The following RALGAPA2 variants were observed in gnomAD, a reference collection of about 807,000 sequenced individuals.
RALGAPA2 encodes Ral GTPase activating protein catalytic subunit alpha 2.
Under a neutral mutation model 230.4 loss-of-function variants are expected in RALGAPA2, and 139 were observed. The ratio of observed to expected loss-of-function variants is 0.60; its 90% CI spans 0.53 to 0.69. The LOEUF is 0.69. Ranked by LOEUF, RALGAPA2 falls within the 30% of genes least tolerant of loss-of-function variation. The pLI is 0.00. For missense variants in RALGAPA2, 2,163 were observed against 2,276.0 expected, an observed-to-expected ratio of 0.95 and a Z score of 1.01; for synonymous variants, 847 against 837.8, an observed-to-expected ratio of 1.01 and a Z score of -0.19.
At chr20:20,515,011 A>G (rs767739410) in intron 31 of RALGAPA2, among the ~76,000 whole-genome samples, 1 of 152,146 alleles carries the variant, frequency 6.6e-6, no homozygotes, top group Non-Finnish European at 1.5e-5. Context: ...CTTGTGCCCA[A>G]CACCAGGGGA....
Position 20,418,165 on chromosome 20 carries a change from C to T in RALGAPA2, c.5496-6017G>A, listed in dbSNP as rs76984071. ...GGTAGGTGCCAGAATATAAGAAGAA[C>T]GCCGAGCAAATCCATAAGAGAAAGT... On this transcript the variant is annotated intron_variant, in intron 37 of 39. Coordinates refer to ENST00000202677, the MANE Select transcript of RALGAPA2 (RefSeq NM_020343.4). Among the ~76,000 whole-genome samples the T allele has an allele frequency of 3.1e-3, 471 of 152,246 alleles. 2 individuals are homozygous for T. The highest frequency in any genetic ancestry group is 0.011 in the African/African-American group (450 of 41,546).
chr20:20,489,361 A>G (rs2061992227), intron 36 of RALGAPA2, among the ~76,000 whole-genome samples: 2 of 152,356 alleles, frequency 1.3e-5, no homozygotes, highest in East Asian at 1.9e-4. Flanking sequence ...CTCATAGTCT[A>G]AGATCATTCG....
chr20:20,511,349 A>T (rs992716773), intron 32 of RALGAPA2, 24 bp from the exon 33 acceptor site: 11 of 1,536,718 alleles, frequency 7.2e-6, no homozygotes, highest in Non-Finnish European at 7.9e-6. Context: ...AGGATGGAAG[A>T]AAAACCATGT....
At position 20,437,988 on chromosome 20, in the gene RALGAPA2, T is replaced by G. The variant is rs760434322; in HGVS notation, c.5496-25840A>C. On this transcript the variant is annotated intron_variant, in intron 37 of 39. Transcript: ENST00000202677. The surrounding 1 kb of genome is among the most constrained non-coding windows in gnomAD (Gnocchi z 4.1). ...ATCCTGACTCCGTGGTTCTTATGAA[T>G]CCCGCAAAGAGTGGTTCTTAATATG... 6.6e-6 allele frequency among the ~76,000 whole-genome samples: 1 copy of G among 151,882 alleles called. No homozygotes were observed. The highest frequency in any genetic ancestry group is 1.5e-5 in the Non-Finnish European group (1 of 68,024).
chr20:20,464,817 C>T (rs2061378689), intron 37 of RALGAPA2, among the ~76,000 whole-genome samples: 1 of 151,944 alleles, frequency 6.6e-6, no homozygotes, highest in Non-Finnish European at 1.5e-5. Context: ...AAGAAAAAAA[C>T]ACAAAAACCA....
chr20:20,583,125 G>T lies in RALGAPA2; in HGVS notation c.2632C>A (p.Pro878Thr). ...TCEEDPELNT[P>T]TDVVADADAR... Reference sequence around the variant, plus strand: ...TCAGCATCAGCCACAACATCTGTGGGAGTATTCAGTTCTGGGTCTTCCTCA... The same window carrying T: ...TCAGCATCAGCCACAACATCTGTGGTAGTATTCAGTTCTGGGTCTTCCTCA... Residue 878 changes from proline (P) to threonine (T), a missense_variant, in exon 20 of 40, where the codon CCC (proline) becomes ACC (threonine). Physicochemically the swap from Pro to Thr is conservative, Grantham distance 38. Transcript: ENST00000202677. 1.2e-6 allele frequency: 2 copies of T among 1,613,702 alleles called. No individual in the cohort carries two copies. The highest frequency in any genetic ancestry group is 1.7e-6 in the Non-Finnish European group (2 of 1,179,736).
chr20:20,700,735 T>A (rs943242248), intron 1 of RALGAPA2, among the ~76,000 whole-genome samples: 1 of 152,236 alleles, frequency 6.6e-6, no homozygotes, highest in Non-Finnish European at 1.5e-5. Flanking sequence ...TCCTTTCTTA[T>A]ATCTATTCCC....
intron 36 of RALGAPA2, among the ~76,000 whole-genome samples, chr20:20,478,544 G>A (rs971327954): frequency 2.0e-5 from 3 of 151,526 alleles, no homozygotes; most frequent in Non-Finnish European, 4.4e-5. Context: ...GATGCAGCTG[G>A]AGGCCATTAT....
intron 31 of RALGAPA2, among the ~76,000 whole-genome samples, chr20:20,519,532 A>AC (rs1302803256): frequency 2.0e-5 from 3 of 152,210 alleles, no homozygotes; most frequent in Non-Finnish European, 4.4e-5. Context: ...GGCTGGACCC[A>AC]CCACTCTGGT....
chr20:20,481,873 C>A (rs1403869236), intron 36 of RALGAPA2, among the ~76,000 whole-genome samples: 1 of 152,118 alleles, frequency 6.6e-6, no homozygotes, highest in Non-Finnish European at 1.5e-5. Flanking sequence ...GTGGGCCTCA[C>A]AGAGTGACTA....
At position 20,512,787 on chromosome 20, in the gene RALGAPA2, C is replaced by T. The variant is rs2062751676; in HGVS notation, c.4582G>A (p.Gly1528Ser). The T allele has an allele frequency of 1.2e-6, 2 of 1,613,610 alleles. No individual in the cohort carries two copies. The highest frequency in any genetic ancestry group is 3.3e-5 in the Admixed American group (2 of 59,990). Reference sequence around the variant, plus strand: ...AAAAGGCATTCAGGACTTGTATGGCCAATGTTTTCAAGTAATTTGTCAAGA... The same window carrying T: ...AAAAGGCATTCAGGACTTGTATGGCTAATGTTTTCAAGTAATTTGTCAAGA... ...DVLDKLLENI[G>S]HTSPECLLPS... Residue 1528 changes from glycine (G) to serine (S), a missense_variant, in exon 32 of 40, where the codon GGC becomes AGC. Transcript: ENST00000202677.
At chr20:20,590,830 T>C (rs2065267111) in intron 17 of RALGAPA2, among the ~76,000 whole-genome samples, 1 of 152,156 alleles carries the variant, frequency 6.6e-6, no homozygotes, top group Non-Finnish European at 1.5e-5. Context: ...CCTGCCTCCC[T>C]GCCTTCCATA....
At chr20:20,514,996 T>A (rs2098160494) in intron 31 of RALGAPA2, among the ~76,000 whole-genome samples, 1 of 152,212 alleles carries the variant, frequency 6.6e-6, no homozygotes, top group Admixed American at 6.5e-5. Context: ...CCCTCAGCAC[T>A]GCTACTTGTG....
chr20:20,447,946 T>C (rs952458815), intron 37 of RALGAPA2, among the ~76,000 whole-genome samples: 2 of 152,192 alleles, frequency 1.3e-5, no homozygotes, highest in African/African-American at 2.4e-5. Context: ...CATTCTGCCT[T>C]CCTTGTGCTC....
intron 26 of RALGAPA2, among the ~76,000 whole-genome samples, chr20:20,535,388 T>C (rs367737415): frequency 1.3e-5 from 2 of 152,210 alleles, no homozygotes; most frequent in African/African-American, 4.8e-5. Flanking sequence ...TAAAAGATCA[T>C]CACTGGTTGA....
In RALGAPA2 at chr20:20,495,386, C is replaced by T. The variant is rs370724607; in HGVS notation, c.5209-111G>A. Reference sequence around the variant, plus strand: ...TCAAAGGCCAAAAAAATTTCACTACCAAAAAAGGCTACAACATTGATGTTC... The same window carrying T: ...TCAAAGGCCAAAAAAATTTCACTACTAAAAAAGGCTACAACATTGATGTTC... On this transcript the variant is annotated intron_variant, in intron 35 of 39. Coordinates refer to ENST00000202677, the MANE Select transcript of RALGAPA2 (RefSeq NM_020343.4). 258 of 865,862 alleles carry T rather than the reference C, an allele frequency of 3.0e-4. 4 individuals are homozygous for T. The South Asian group carries it at 7.1e-3, about 24-fold the overall frequency. The allele number at this position is 865,862 out of a possible 1,614,324, so 53.6% of individuals were successfully genotyped here. A position where few individuals can be genotyped will look rare whatever the true frequency, so the allele number is the denominator to read the frequency against.
intron 23 of RALGAPA2, among the ~76,000 whole-genome samples, chr20:20,552,438 G>C (rs1322083468): frequency 1.3e-5 from 2 of 152,152 alleles, no homozygotes; most frequent in Non-Finnish European, 2.9e-5. Flanking sequence ...TACACAGTTA[G>C]ATGAATTCAT....
chr20:20,620,939 G>A lies in RALGAPA2; in HGVS notation c.1234-309C>T, dbSNP rs974098028. Among the ~76,000 whole-genome samples, 7 of 151,998 alleles carry A rather than the reference G, an allele frequency of 4.6e-5. No individual in the cohort carries two copies. In the East Asian group the frequency reaches 7.7e-4, roughly 17 times the overall value. ...AGGCGGATCATGAGGTCAGGAGTTC[G>A]GGACCAACCTGGCCAACATGGTGAA... On this transcript the variant is annotated intron_variant, in intron 10 of 39. Transcript: ENST00000202677.
At chr20:20,514,211 A>G (rs569017277) in intron 31 of RALGAPA2, among the ~76,000 whole-genome samples, 1 of 152,000 alleles carries the variant, frequency 6.6e-6, no homozygotes, top group South Asian at 2.1e-4. Flanking sequence ...AGCCTGAGCC[A>G]TGCTACCCTT....
Sources: gnomAD v4.1 joint callset for allele counts (sites outside exome capture counted in the v4.1 genomes callset) on GRCh38, gnomAD v4.1.1 for gene constraint, Gnocchi (gnomAD v3.1) non-coding constraint, MANE v1.5 for transcripts, NCBI Gene and HGNC (gene_info 2026-07-23, HGNC 2026-07-21) for gene names.